ZNF461: variants seen among roughly 807,000 people sequenced by gnomAD.
ZNF461 encodes gonadotropin-inducible ovarian transcription factor-1.
ZNF461 carries 16 observed loss-of-function variants against 18.3 expected under a neutral mutation model. That is an observed-to-expected ratio of 0.88 (90% CI 0.59 to 1.33). The LOEUF (loss-of-function observed/expected upper bound fraction) is 1.33. ZNF461 is among the 40% of genes most tolerant of loss of function. The probability of loss-of-function intolerance (pLI) is 0.00; values close to 1 mark genes in which losing one functional copy is unlikely to be tolerated. For synonymous variants in ZNF461, 179 were observed against 216.9 expected (o/e 0.83, Z 1.54); for missense variants, 595 against 669.9 (o/e 0.89, Z 1.23).
chr19:36,654,040 T>C (rs2037673804), intron 4 of ZNF461, among the ~76,000 whole-genome samples: 2 of 152,144 alleles, frequency 1.3e-5, no homozygotes, highest in Non-Finnish European at 2.9e-5. Context: ...TATTGTACTA[T>C]AGTTGGGTAA....
In ZNF461 at chr19:36,640,054, A is replaced by C; in HGVS notation, c.302-11T>G. 1 of 1,585,660 alleles carries C rather than the reference A, an allele frequency of 6.3e-7. No individual in the cohort carries two copies. Among genetic ancestry groups the C allele is most frequent in the East Asian group, 2.2e-5 (1 of 44,606 alleles). On this transcript the variant is annotated splice_polypyrimidine_tract_variant and intron_variant, in intron 5 of 5. Coordinates refer to ENST00000588268, the MANE Select transcript of ZNF461 (RefSeq NM_153257.5). ...CTCTGGATGCCAAGTCTGAAAGATA[A>C]GAAATATATTTTAACTCCTGGTTTT...
At chr19:36,663,917 G>A (rs1301322006) in intron 2 of ZNF461, among the ~76,000 whole-genome samples, 1 of 152,002 alleles carries the variant, frequency 6.6e-6, no homozygotes, top group Non-Finnish European at 1.5e-5. Context: ...GTTATTTTCT[G>A]TCTCTCACTA....
At chr19:36,643,929 A>C in intron 4 of ZNF461, 67 bp from the exon 5 acceptor site, 1 of 1,252,584 alleles carries the variant, frequency 8.0e-7, no homozygotes, top group Non-Finnish European at 1.1e-6. Context: ...TAAAAAGAGA[A>C]TATCTATTTC....
At chr19:36,643,929 A>G in intron 4 of ZNF461, 67 bp from the exon 5 acceptor site, 2 of 1,252,582 alleles carry the variant, frequency 1.6e-6, no homozygotes, top group Middle Eastern at 2.8e-4. Context: ...TAAAAAGAGA[A>G]TATCTATTTC....
intron 4 of ZNF461, among the ~76,000 whole-genome samples, chr19:36,651,162 C>T (rs1374279070): frequency 1.4e-5 from 2 of 140,836 alleles, no homozygotes; most frequent in East Asian, 2.2e-4. Context: ...GCCTGGGAGG[C>T]GGAGCTTGCA....
chr19:36,658,324 C>T lies in ZNF461; in HGVS notation c.111G>A (p.Glu37=). 1 of 1,609,968 alleles carries T rather than the reference C, an allele frequency of 6.2e-7. No individual in the cohort carries two copies. Among genetic ancestry groups the T allele is most frequent in the Non-Finnish European group, 8.5e-7 (1 of 1,177,830 alleles). The change falls in exon 3 of 6, where the codon GAG becomes GAA. Residue 37 remains glutamate, a synonymous_variant. Transcript: ENST00000588268. Reference sequence around the variant, plus strand: ...CAAGTGACACCAAGTTGCTATAATTCTCCAACATCACCTCCTTGTACAAAT... The same window carrying T: ...CAAGTGACACCAAGTTGCTATAATTTTCCAACATCACCTCCTTGTACAAAT... The part of the protein sequence containing the change: ...QRNLYKEVML[E]NYSNLVSLGL...
Position 36,658,286 on chromosome 19 carries a change from T to C in ZNF461, c.136+13A>G. ...TCTGAATTGTCAGGTTCTTAATTTT[T>C]AGATAACTTTACCAAGTGACACCAA... On this transcript the variant is annotated intron_variant, in intron 3 of 5. Coordinates refer to ENST00000588268, the MANE Select transcript of ZNF461 (RefSeq NM_153257.5). 6.3e-7 allele frequency: 1 copy of C among 1,597,450 alleles called. No individual in the cohort carries two copies. Among genetic ancestry groups the C allele is most frequent in the East Asian group, 2.2e-5 (1 of 44,664 alleles).
chr19:36,663,000 GGTAA>G lies in ZNF461; in HGVS notation c.9+1694_9+1697del, dbSNP rs1367325660. ...GAGTGAATTAATGTCTCTTACTGCT[GGTAA>G]GTGTCTATTTCTTCTATCTGCTCTA... On this transcript the variant is annotated intron_variant, in intron 2 of 5. Coordinates refer to ENST00000588268, the MANE Select transcript of ZNF461 (RefSeq NM_153257.5). 3.9e-5 allele frequency among the ~76,000 whole-genome samples: 6 copies of G among 152,160 alleles called. No homozygotes were observed. In the South Asian group the frequency reaches 1.2e-3, roughly 32 times the overall value.
chr19:36,639,328 A>T lies in ZNF461; in HGVS notation c.1017T>A (p.Ile339=). Residue 339 remains isoleucine (I), a synonymous_variant, in exon 6 of 6, where the codon ATT becomes ATA. Coordinates refer to ENST00000588268, the MANE Select transcript of ZNF461 (RefSeq NM_153257.5). ...YECKQCGKAF[I]RGFQLTEHLR... is the part of the protein sequence containing the mutation. ...GGTGTTCAGTAAGTTGAAAGCCACG[A>T]ATAAAAGCCTTCCCACATTGCTTAC... is the stretch of plus-strand genomic sequence containing the variant. 1 of 1,613,688 alleles carries T rather than the reference A, an allele frequency of 6.2e-7. No individual in the cohort carries two copies. Among genetic ancestry groups the T allele is most frequent in the Non-Finnish European group, 8.5e-7 (1 of 1,179,912 alleles).
intron 2 of ZNF461, among the ~76,000 whole-genome samples, chr19:36,662,628 C>T (rs765499366): frequency 6.6e-6 from 1 of 152,124 alleles, no homozygotes; most frequent in African/African-American, 2.4e-5. Context: ...ACTAAAAATT[C>T]TTTACTTTTA....
intron 1 of ZNF461, 64 bp from the exon 2 acceptor site, chr19:36,664,850 A>G: frequency 5.7e-6 from 3 of 530,626 alleles, no homozygotes; most frequent in Non-Finnish European, 9.8e-6. Context: ...CAAAATGTTA[A>G]TTCAGAATGA....
chr19:36,645,433 A>G (rs1236438625), intron 4 of ZNF461, among the ~76,000 whole-genome samples: 3 of 152,212 alleles, frequency 2.0e-5, no homozygotes, highest in African/African-American at 7.2e-5. Context: ...TAATTATAGC[A>G]TCCACAGTTA....
Position 36,639,757 on chromosome 19 carries a change from CT to C in ZNF461, c.587del (p.Lys196SerfsTer69), listed in dbSNP as rs1293157565. 1 of 1,613,434 alleles carries C rather than the reference CT, an allele frequency of 6.2e-7. No homozygotes were observed. The highest frequency in any genetic ancestry group is 1.1e-5 in the South Asian group (1 of 91,044). On this transcript the variant is annotated frameshift_variant, in exon 6 of 6. Transcript: ENST00000588268. LOFTEE classifies it low-confidence loss of function (END_TRUNC). ...AATGGTAACTGAAGATTTTTCTACA[CT>C]TTTTACATTCAGAGATTTTCTCTCT... is the stretch of plus-strand genomic sequence containing the variant. ...YDREKISECK[K>X]CRKIFSYHLF...
intron 4 of ZNF461, among the ~76,000 whole-genome samples, chr19:36,650,276 T>C (rs952832749): frequency 8.5e-5 from 13 of 152,152 alleles, no homozygotes; most frequent in Admixed American, 7.2e-4. Context: ...ATACATCCTT[T>C]ATATATATGA....
chr19:36,642,955 G>C (rs1181536792), intron 5 of ZNF461, among the ~76,000 whole-genome samples: 1 of 152,020 alleles, frequency 6.6e-6, no homozygotes. Flanking sequence ...TTTTAGTTGA[G>C]ATGGGGTTTC....
rs2145359295 is a variant in ZNF461, at chr19:36,639,373, A to C, written c.972T>G (p.Thr324=). 1 of 1,614,110 alleles carries C rather than the reference A, an allele frequency of 6.2e-7. No homozygotes were observed. The change falls in exon 6 of 6, where the codon ACT becomes ACG. Residue 324 remains threonine (T), a synonymous_variant. Transcript: ENST00000588268. ...SQLTQHQRLH[T]GEKPYECKQC... Reference sequence around the variant, plus strand: ...GCTTACATTCATAGGGTTTTTCACCAGTATGAAGTCTCTGATGTTGAGTAA... The same window carrying C: ...GCTTACATTCATAGGGTTTTTCACCCGTATGAAGTCTCTGATGTTGAGTAA...
At chr19:36,664,871 C>A (rs1041049463) in intron 1 of ZNF461, 85 bp from the exon 2 acceptor site, 6 of 470,912 alleles carry the variant, frequency 1.3e-5, no homozygotes, top group African/African-American at 1.2e-4. Flanking sequence ...CATTTTTCTT[C>A]CCCCTTCATA....
chr19:36,641,891 T>C (rs1331138241), intron 5 of ZNF461, among the ~76,000 whole-genome samples: 1 of 152,172 alleles, frequency 6.6e-6, no homozygotes, highest in African/African-American at 2.4e-5. Context: ...CTTAAAACAG[T>C]AAGTCATTTA....
Position 36,656,207 on chromosome 19 carries a change from G to A in ZNF461, c.232+241C>T, listed in dbSNP as rs190642988. Among the ~76,000 whole-genome samples the A allele has an allele frequency of 7.7e-3, 1,172 of 151,866 alleles. 14 individuals are homozygous for A. The highest frequency in any genetic ancestry group is 0.026 in the African/African-American group (1,091 of 41,416). ...AGAGACGGGGTTTCACCGTGGTCTC[G>A]ATCTCCTGACCTCGTGATCTGCCCG... is the stretch of plus-strand genomic sequence containing the variant. On this transcript the variant is annotated intron_variant, in intron 4 of 5. Transcript: ENST00000588268.
Sources: gnomAD v4.1 joint callset for allele counts (sites outside exome capture counted in the v4.1 genomes callset) on GRCh38, gnomAD v4.1.1 for gene constraint, MANE v1.5 for transcripts, NCBI Gene and HGNC (gene_info 2026-07-23, HGNC 2026-07-21) for gene names.